Variants in GGACT observed in about 807,000 individuals in gnomAD.
GGACT encodes the protein gamma-glutamylaminecyclotransferase.
For missense variants in GGACT, 241 were observed against 233.2 expected (o/e 1.03, Z -0.22); for synonymous variants, 118 against 115.3 (o/e 1.02, Z -0.15).
At chr13:100,578,320 C>T (rs1218422492) in intron 2 of GGACT, among the ~76,000 whole-genome samples, 3 of 152,166 alleles carry the variant, frequency 2.0e-5, no homozygotes, top group Non-Finnish European at 2.9e-5. Context: ...TGAAAACATC[C>T]ACTTATGCCA....
At chr13:100,570,602 A>G (rs1875053064) in intron 2 of GGACT, among the ~76,000 whole-genome samples, 1 of 152,120 alleles carries the variant, frequency 6.6e-6, no homozygotes, top group Admixed American at 6.5e-5. Flanking sequence ...TCAGACCTCA[A>G]ATGAATCTCT....
chr13:100,549,865 C>T (rs1439056451), intron 2 of GGACT, among the ~76,000 whole-genome samples: 1 of 152,070 alleles, frequency 6.6e-6, no homozygotes, highest in Non-Finnish European at 1.5e-5. Flanking sequence ...GCCATTTTCA[C>T]ACATTTGAAA....
At chr13:100,562,868 CCA>C (rs1435438908) in intron 2 of GGACT, among the ~76,000 whole-genome samples, 3 of 151,958 alleles carry the variant, frequency 2.0e-5, no homozygotes, top group African/African-American at 7.3e-5. Context: ...TTTCTTGACT[CCA>C]GAGTTCAAAC....
chr13:100,544,796 A>G (rs2088589612), intron 2 of GGACT, among the ~76,000 whole-genome samples: 1 of 152,218 alleles, frequency 6.6e-6, no homozygotes, highest in South Asian at 2.1e-4. Context: ...ATGTTCAGTG[A>G]CCAACAACGC....
Position 100,581,545 on chromosome 13 carries a change from T to G in GGACT, c.-11+2280A>C, listed in dbSNP as rs183854088. Among the ~76,000 whole-genome samples the G allele has an allele frequency of 3.7e-3, 558 of 152,244 alleles. 8 individuals are homozygous for G. Among genetic ancestry groups the G allele is most frequent in the Non-Finnish European group, 3.3e-3 (224 of 68,010 alleles). On this transcript the variant is annotated intron_variant, in intron 2 of 2. Coordinates refer to ENST00000683975, the MANE Select transcript of GGACT (RefSeq NM_001195087.2). Reference sequence around the variant, plus strand: ...GTCCATAATGATATAAATGGCTGAGTAAATAAATGCAAGAAAACAGATAAC... The same window carrying G: ...GTCCATAATGATATAAATGGCTGAGGAAATAAATGCAAGAAAACAGATAAC...
intron 2 of GGACT, chr13:100,538,571 C>T (rs1029706507): frequency 6.6e-6 from 1 of 152,142 alleles, no homozygotes; most frequent in Non-Finnish European, 1.5e-5. Flanking sequence ...ACTTTGTACC[C>T]ATTAAACAAT....
At chr13:100,576,234 C>G (rs1019039988) in intron 2 of GGACT, among the ~76,000 whole-genome samples, 3 of 152,008 alleles carry the variant, frequency 2.0e-5, no homozygotes, top group Admixed American at 2.0e-4. Context: ...ATCTCAAAAA[C>G]CTAATAAAAA....
chr13:100,583,494 T>TAG (rs1326746125), intron 2 of GGACT, among the ~76,000 whole-genome samples: 3 of 152,106 alleles, frequency 2.0e-5, no homozygotes, highest in Admixed American at 2.0e-4. Context: ...AATATACACT[T>TAG]TCTCTACTAT....
chr13:100,570,500 TCA>T (rs1875050015), intron 2 of GGACT, among the ~76,000 whole-genome samples: 1 of 152,156 alleles, frequency 6.6e-6, no homozygotes, highest in Non-Finnish European at 1.5e-5. Flanking sequence ...CTGCCATGAT[TCA>T]GTTATGTCCA....
chr13:100,549,042 G>A (rs1042987241), intron 2 of GGACT, among the ~76,000 whole-genome samples: 11 of 152,242 alleles, frequency 7.2e-5, no homozygotes, highest in African/African-American at 1.9e-4. Context: ...GAGGCTGAGC[G>A]CAGCTTAGAA....
At chr13:100,585,782 A>G (rs1376656505) in intron 1 of GGACT, among the ~76,000 whole-genome samples, 2 of 147,926 alleles carry the variant, frequency 1.4e-5, no homozygotes, top group African/African-American at 5.0e-5. Context: ...CAGGAAGGAA[A>G]AAAAAAAAAA....
intron 2 of GGACT, among the ~76,000 whole-genome samples, chr13:100,547,850 C>A (rs2088622356): frequency 6.6e-6 from 1 of 152,236 alleles, no homozygotes. Context: ...CCCACCCAGG[C>A]CCCATGCACA....
At chr13:100,584,223 G>C (rs1875499984) in intron 1 of GGACT, among the ~76,000 whole-genome samples, 1 of 152,174 alleles carries the variant, frequency 6.6e-6, no homozygotes, top group Non-Finnish European at 1.5e-5. Context: ...CAGTGACCTA[G>C]AGAAAGGGTT....
intron 2 of GGACT, among the ~76,000 whole-genome samples, chr13:100,558,589 A>T (rs1566534667): frequency 6.6e-6 from 1 of 152,252 alleles, no homozygotes; most frequent in African/African-American, 2.4e-5. Context: ...GCAGTTTGAC[A>T]GTGTCTTTAA....
chr13:100,547,964 C>T (rs1316644512), intron 2 of GGACT, among the ~76,000 whole-genome samples: 2 of 152,252 alleles, frequency 1.3e-5, no homozygotes, highest in Non-Finnish European at 2.9e-5. Context: ...AGCAATCACA[C>T]GCTGGCAGTT....
rs149503021 is a variant in GGACT at position 100,531,694 on chromosome 13, C to A, written c.*436G>T. On this transcript the variant is annotated 3_prime_UTR_variant, in exon 3 of 3. Coordinates refer to ENST00000683975, the MANE Select transcript of GGACT (RefSeq NM_001195087.2). ...GCCCTGTGGATCTTTTCTACAAATT[C>A]TACCCAGCCGTGTAAAATCGGCTTT... The A allele has an allele frequency of 1.3e-3, 207 of 162,372 alleles. No homozygotes were observed. Among genetic ancestry groups the A allele is most frequent in the Admixed American group, 5.0e-3 (79 of 15,660 alleles). 10.1% of individuals were successfully genotyped at this position (162,372 alleles called of 1,614,324 possible).
At chr13:100,582,280 T>C (rs976629449) in intron 2 of GGACT, among the ~76,000 whole-genome samples, 7 of 152,190 alleles carry the variant, frequency 4.6e-5, no homozygotes, top group Non-Finnish European at 7.3e-5. Flanking sequence ...TCAAAACTTA[T>C]GATGACCTAC....
chr13:100,569,216 A>T (rs931978639), intron 2 of GGACT, among the ~76,000 whole-genome samples: 5 of 152,180 alleles, frequency 3.3e-5, no homozygotes, highest in African/African-American at 9.7e-5. Context: ...GGGGGCTTCA[A>T]CCCCAAATTT....
At chr13:100,566,332 G>A (rs190409322) in intron 2 of GGACT, among the ~76,000 whole-genome samples, 25 of 152,302 alleles carry the variant, frequency 1.6e-4, no homozygotes, top group Admixed American at 4.6e-4. Flanking sequence ...GCCAGTTGCC[G>A]CTCAGCCATG....
Sources: gnomAD v4.1 joint callset for allele counts (sites outside exome capture counted in the v4.1 genomes callset) on GRCh38, gnomAD v4.1.1 for gene constraint, MANE v1.5 for transcripts, NCBI Gene and HGNC (gene_info 2026-07-23, HGNC 2026-07-21) for gene names.